PLSCR5: variants seen among roughly 807,000 people sequenced by gnomAD.
PLSCR5 encodes the protein phospholipid scramblase family, member 5.
Under a neutral mutation model 33.6 loss-of-function variants are expected in PLSCR5, and 44 were observed. The ratio of observed to expected loss-of-function variants is 1.31; its 90% CI spans 1.03 to 1.69. PLSCR5 has a LOEUF of 1.69. Among genes scored for constraint, PLSCR5 ranks in the 40% most tolerant of loss-of-function variants. The pLI is 0.00. For synonymous variants in PLSCR5, 148 were observed against 112.3 expected (o/e 1.32, Z -2.01); for missense variants, 375 against 318.7 (o/e 1.18, Z -1.34).
At chr3:146,591,636 T>G in intron 5 of PLSCR5, 84 bp downstream of exon 5, 6 of 1,366,744 alleles carry the variant, frequency 4.4e-6, no homozygotes, top group Non-Finnish European at 6.0e-6. Context: ...TAAATGAAAT[T>G]AATTTGAACA....
intron 2 of PLSCR5, 29 bp from the exon 3 acceptor site, chr3:146,595,112 A>G (rs909329643): frequency 2.3e-6 from 3 of 1,331,426 alleles, no homozygotes; most frequent in Non-Finnish European, 3.0e-6. Context: ...AAGGAAATAA[A>G]AAGTATTAAC....
At chr3:146,579,455 A>C (rs377620574) in intron 7 of PLSCR5, among the ~76,000 whole-genome samples, 5 of 152,310 alleles carry the variant, frequency 3.3e-5, no homozygotes, top group African/African-American at 1.2e-4. Context: ...AAATCTAAAA[A>C]TAATGTGTCC....
rs763704182 is a variant in PLSCR5 at position 146,593,962 on chromosome 3, G to A, written c.411C>T (p.Pro137=). 6.2e-7 allele frequency: 1 copy of A among 1,613,778 alleles called. No individual in the cohort carries two copies. Among genetic ancestry groups the A allele is most frequent in the East Asian group, 2.2e-5 (1 of 44,870 alleles). ...GGCACCAGCAGCTGTTACATCTCAA[G>A]GGCCTGTTCACTGTAATGACCTCTC... ...SGREVITVNR[P]LRCNSCWCPC... The change falls in exon 4 of 8, where the codon CCC becomes CCT. Residue 137 remains proline (P), a synonymous_variant. Coordinates refer to ENST00000443512, the MANE Select transcript of PLSCR5 (RefSeq NM_001085420.2).
At chr3:146,591,535 A>G (rs79258006) in intron 5 of PLSCR5, among the ~76,000 whole-genome samples, 185 bp downstream of exon 5, 8,450 of 152,066 alleles carry the variant, frequency 0.056, 230 homozygotes, top group African/African-American at 0.061. Context: ...CTTGGACTTT[A>G]TATCTCTGGA....
intron 6 of PLSCR5, among the ~76,000 whole-genome samples, chr3:146,586,459 A>G (rs542079585): frequency 6.6e-6 from 1 of 152,236 alleles, no homozygotes; most frequent in Non-Finnish European, 1.5e-5. Context: ...AGTAACTTGG[A>G]AACTTTATCT....
At chr3:146,582,623 C>T (rs900971535), downstream of PLSCR5, among the ~76,000 whole-genome samples, 1 of 152,128 alleles carries the variant, frequency 6.6e-6, no homozygotes, top group Admixed American at 6.5e-5. Flanking sequence ...ATTTTCTCAG[C>T]TGTGAGACAA....
chr3:146,598,670 T>C (rs1452832994), intron 2 of PLSCR5, among the ~76,000 whole-genome samples: 2 of 152,182 alleles, frequency 1.3e-5, no homozygotes, highest in African/African-American at 4.8e-5. Flanking sequence ...ACCTCAGCCC[T>C]CTGGCACTGG....
intron 7 of PLSCR5, among the ~76,000 whole-genome samples, chr3:146,578,549 C>T (rs532571689): frequency 2.0e-5 from 3 of 152,040 alleles, no homozygotes; most frequent in East Asian, 1.9e-4. Context: ...TCTGGAAGGT[C>T]GACAAAAAGC....
intron 1 of PLSCR5, among the ~76,000 whole-genome samples, 187 bp from the exon 2 acceptor site, chr3:146,600,650 C>T (rs1419555867): frequency 3.3e-5 from 5 of 151,766 alleles, no homozygotes; most frequent in African/African-American, 4.8e-5. Flanking sequence ...AAAAACGAAA[C>T]GCAGAAGACT....
chr3:146,601,812 A>C (rs1221275087), intron 1 of PLSCR5, among the ~76,000 whole-genome samples: 2 of 152,164 alleles, frequency 1.3e-5, no homozygotes, highest in Non-Finnish European at 2.9e-5. Context: ...GTGAAAAATA[A>C]ATTCTAAAAA....
rs2044747406 is a variant in PLSCR5, at chr3:146,595,057, C to T, written c.216G>A (p.Gln72=). Residue 72 remains glutamine, a synonymous_variant, in exon 3 of 8, where the codon CAG becomes CAA. Coordinates refer to ENST00000443512, the MANE Select transcript of PLSCR5 (RefSeq NM_001085420.2). ...SQLDLIIIHQ[Q]VELLGMILGT... Reference sequence around the variant, plus strand: ...TGCACTTACTTCCAAGCAGCTCCACCTGCTGGTGTATAATTATCAGGTCTA... The same window carrying T: ...TGCACTTACTTCCAAGCAGCTCCACTTGCTGGTGTATAATTATCAGGTCTA... 3 of 1,434,426 alleles carry T rather than the reference C, an allele frequency of 2.1e-6. No individual in the cohort carries two copies. The highest frequency in any genetic ancestry group is 2.8e-6 in the Non-Finnish European group (3 of 1,078,886). 88.9% of individuals were successfully genotyped at this position (1,434,426 alleles called of 1,614,324 possible).
intron 4 of PLSCR5, among the ~76,000 whole-genome samples, chr3:146,593,523 C>A (rs1285912065): frequency 6.6e-6 from 1 of 152,228 alleles, no homozygotes; most frequent in African/African-American, 2.4e-5. Context: ...TAATACCTAT[C>A]CAAGAGGATA....
downstream of PLSCR5, among the ~76,000 whole-genome samples, chr3:146,585,515 A>C (rs963436323): frequency 1.3e-5 from 2 of 152,068 alleles, no homozygotes; most frequent in Non-Finnish European, 2.9e-5. Flanking sequence ...CCCAACTTTT[A>C]ACTTTTCCAG....
At chr3:146,580,534 G>T (rs570560541) in intron 7 of PLSCR5, among the ~76,000 whole-genome samples, 1 of 135,392 alleles carries the variant, frequency 7.4e-6, no homozygotes, top group Admixed American at 8.7e-5. Flanking sequence ...GTACGATTTC[G>T]GCTCACTGCA....
intron 6 of PLSCR5, among the ~76,000 whole-genome samples, chr3:146,589,015 A>G (rs1304231115): frequency 6.6e-6 from 1 of 152,178 alleles, no homozygotes; most frequent in Non-Finnish European, 1.5e-5. Context: ...TAAATATTAG[A>G]GGGAAAACTA....
At chr3:146,602,298 T>C (rs2107860600) in intron 1 of PLSCR5, among the ~76,000 whole-genome samples, 1 of 152,264 alleles carries the variant, frequency 6.6e-6, no homozygotes, top group Admixed American at 6.6e-5. Context: ...GCCATTAATA[T>C]AACAATAATG....
At chr3:146,602,258 A>C (rs775120887) in intron 1 of PLSCR5, among the ~76,000 whole-genome samples, 1 of 152,168 alleles carries the variant, frequency 6.6e-6, no homozygotes, top group Non-Finnish European at 1.5e-5. Context: ...ACTATGTAAC[A>C]CTATGTCAGA....
chr3:146,590,880 T>G (rs544795593), intron 5 of PLSCR5, among the ~76,000 whole-genome samples: 1 of 152,170 alleles, frequency 6.6e-6, no homozygotes, highest in East Asian at 1.9e-4. Context: ...CTCCTCTACC[T>G]AAGTTGTATG....
downstream of PLSCR5, among the ~76,000 whole-genome samples, chr3:146,583,639 T>G (rs562416984): frequency 1.2e-3 from 185 of 152,320 alleles, 1 homozygote; most frequent in Middle Eastern, 6.8e-3. Context: ...TGGGTCTCAG[T>G]TTATTGTACT....
Sources: allele counts gnomAD v4.1 joint callset (sites outside exome capture counted in the v4.1 genomes callset), GRCh38; gene constraint gnomAD v4.1.1; transcripts MANE v1.5; gene names NCBI Gene and HGNC (gene_info 2026-07-23, HGNC 2026-07-21).